Variants in SEMA5A observed in about 807,000 individuals in gnomAD.
The protein encoded by SEMA5A is semaphorin 5A.
A neutral mutation model predicts 135.5 loss-of-function variants in SEMA5A; 55 were observed. The observed-to-expected ratio is 0.41, with a 90% CI of 0.33 to 0.51. The LOEUF is 0.51. Among genes scored for constraint, SEMA5A ranks in the 20% least tolerant of loss-of-function variants. The pLI, the probability that SEMA5A is intolerant of heterozygous loss-of-function variation, is 0.37. For synonymous variants in SEMA5A, 580 were observed against 546.5 expected, an observed-to-expected ratio of 1.06 and a Z score of -0.85; for missense variants, 1,290 against 1,419.9, an observed-to-expected ratio of 0.91 and a Z score of 1.47.
intron 12 of SEMA5A, among the ~76,000 whole-genome samples, chr5:9,138,025 TGATA>T (rs1741856515): frequency 6.6e-6 from 1 of 152,218 alleles, no homozygotes; most frequent in Non-Finnish European, 1.5e-5. Context: ...ATAAATCTAC[TGATA>T]GGTAGTAAGT....
intron 11 of SEMA5A, among the ~76,000 whole-genome samples, chr5:9,184,658 G>C (rs746097089): frequency 6.6e-6 from 1 of 152,220 alleles, no homozygotes; most frequent in Admixed American, 6.5e-5. Context: ...AGAATAGCAC[G>C]TCATTTTGAT....
chr5:9,112,063 C>T (rs931931606), intron 15 of SEMA5A, among the ~76,000 whole-genome samples: 1 of 152,206 alleles, frequency 6.6e-6, no homozygotes, highest in Non-Finnish European at 1.5e-5. Flanking sequence ...CAATGTTTTT[C>T]AAATGCTATT....
At chr5:9,120,642 G>A (rs887105687) in intron 14 of SEMA5A, among the ~76,000 whole-genome samples, 1 of 152,060 alleles carries the variant, frequency 6.6e-6, no homozygotes, top group Non-Finnish European at 1.5e-5. Flanking sequence ...AATTTAAATA[G>A]CAGTTTTAAT....
intron 1 of SEMA5A, among the ~76,000 whole-genome samples, chr5:9,457,869 A>T (rs1758899661): frequency 6.6e-6 from 1 of 151,188 alleles, no homozygotes; most frequent in African/African-American, 2.4e-5. Flanking sequence ...AAAAGGAAAG[A>T]AAAATAATTC....
intron 1 of SEMA5A, among the ~76,000 whole-genome samples, chr5:9,464,517 T>G (rs1253962653): frequency 1.3e-5 from 2 of 152,230 alleles, no homozygotes; most frequent in Admixed American, 6.5e-5. Flanking sequence ...TTTAAATAAT[T>G]TTAATAACAT....
intron 10 of SEMA5A, among the ~76,000 whole-genome samples, chr5:9,191,831 CAT>C: frequency 6.6e-6 from 1 of 151,894 alleles, no homozygotes; most frequent in Non-Finnish European, 1.5e-5. Context: ...TCAGCCCTGC[CAT>C]GACCCAAGTG....
intron 1 of SEMA5A, among the ~76,000 whole-genome samples, chr5:9,541,754 T>C (rs605126): frequency 0.19 from 28,652 of 152,140 alleles, 2,787 homozygotes; most frequent in African/African-American, 0.23. Context: ...GTTTTCTTGA[T>C]CCACTGTTGT....
intron 2 of SEMA5A, among the ~76,000 whole-genome samples, chr5:9,435,322 A>G (rs569328179): frequency 6.6e-5 from 10 of 152,290 alleles, no homozygotes; most frequent in African/African-American, 2.2e-4. Context: ...AATACCATCT[A>G]AACTTATTTC....
intron 15 of SEMA5A, among the ~76,000 whole-genome samples, chr5:9,118,487 C>T (rs377233771): frequency 3.3e-5 from 5 of 152,198 alleles, no homozygotes; most frequent in African/African-American, 1.2e-4. Context: ...TGGAAAAGAG[C>T]CCCCAATTTG....
chr5:9,430,534 C>T lies in SEMA5A; in HGVS notation c.-78+7222G>A, dbSNP rs118050244. Among the ~76,000 whole-genome samples, 868 of 152,182 alleles carry T rather than the reference C, an allele frequency of 5.7e-3. 33 individuals carry two copies. Among genetic ancestry groups the T allele is most frequent in the Admixed American group, 0.042 (643 of 15,278 alleles). On this transcript the variant is annotated intron_variant, in intron 2 of 22. Coordinates refer to ENST00000382496, the MANE Select transcript of SEMA5A (RefSeq NM_003966.3). ...CAGTGCTTGGATGGCAGGGAGATGA[C>T]CATTTGAGGCTAAGATGCAAAGCCC... is the stretch of plus-strand genomic sequence containing the variant.
At chr5:9,445,322 C>T (rs707637) in intron 1 of SEMA5A, among the ~76,000 whole-genome samples, 43,300 of 151,494 alleles carry the variant, frequency 0.29, 8,966 homozygotes, top group African/African-American at 0.59. Flanking sequence ...CACATATTTA[C>T]CAAGAACATT....
chr5:9,111,135 C>T (rs1740219058), intron 15 of SEMA5A, among the ~76,000 whole-genome samples: 1 of 152,146 alleles, frequency 6.6e-6, no homozygotes, highest in Non-Finnish European at 1.5e-5. Flanking sequence ...GAACTCTCAG[C>T]ATTTAGTTAA....
intron 4 of SEMA5A, among the ~76,000 whole-genome samples, chr5:9,323,375 A>G (rs1752714512): frequency 6.6e-6 from 1 of 152,202 alleles, no homozygotes; most frequent in Non-Finnish European, 1.5e-5. Flanking sequence ...TTTCAAAATA[A>G]TCTTAAAAGA....
At chr5:9,167,466 A>G (rs1365154651) in intron 11 of SEMA5A, among the ~76,000 whole-genome samples, 1 of 152,172 alleles carries the variant, frequency 6.6e-6, no homozygotes, top group African/African-American at 2.4e-5. Flanking sequence ...CAATATGACT[A>G]TCCTACTGTT....
intron 5 of SEMA5A, among the ~76,000 whole-genome samples, chr5:9,248,848 C>T (rs1033189992): frequency 2.6e-5 from 4 of 152,110 alleles, no homozygotes; most frequent in African/African-American, 9.7e-5. Flanking sequence ...CCGGGGGACC[C>T]CTTTATTTTA....
chr5:9,127,811 C>T (rs1358105162), intron 13 of SEMA5A, among the ~76,000 whole-genome samples: 1 of 152,096 alleles, frequency 6.6e-6, no homozygotes, highest in Non-Finnish European at 1.5e-5. Context: ...AGGAAATGAC[C>T]AGGGAGGTTC....
Position 9,037,809 on chromosome 5 carries a change from A to C in SEMA5A, c.*5088T>G, listed in dbSNP as rs992383261. ...CTTAGTGTTTGTAGAGTTTAAAAAA[A>C]AATCTTTAAATCCATTATAATTAAT... On this transcript the variant is annotated 3_prime_UTR_variant, in exon 23 of 23. Coordinates refer to ENST00000382496, the MANE Select transcript of SEMA5A (RefSeq NM_003966.3). 7.2e-5 allele frequency: 11 copies of C among 152,242 alleles called. No homozygotes were observed. Among genetic ancestry groups the C allele is most frequent in the African/African-American group, 2.7e-4 (11 of 41,474 alleles). The allele number at this position is 152,242 out of a possible 1,614,324, so 9.4% of individuals were successfully genotyped here. A position where few individuals can be genotyped will look rare whatever the true frequency, so the allele number is the denominator to read the frequency against.
chr5:9,243,095 A>G (rs1718683367), intron 5 of SEMA5A, among the ~76,000 whole-genome samples: 2 of 152,190 alleles, frequency 1.3e-5, no homozygotes, highest in South Asian at 4.1e-4. Flanking sequence ...CAATGTATTC[A>G]TTCCCTAGAG....
intron 1 of SEMA5A, chr5:9,523,320 C>G (rs1736943629): frequency 1.3e-5 from 2 of 152,132 alleles, no homozygotes; most frequent in African/African-American, 4.8e-5. Flanking sequence ...CCTGGTCTCT[C>G]TTTGAAGGGT....
Sources: gnomAD v4.1 joint callset for allele counts (sites outside exome capture counted in the v4.1 genomes callset) on GRCh38, gnomAD v4.1.1 for gene constraint, MANE v1.5 for transcripts, NCBI Gene and HGNC (gene_info 2026-07-23, HGNC 2026-07-21) for gene names.